Variants in B3GALT1 observed in about 807,000 individuals in gnomAD.
B3GALT1 encodes the protein UDP-Gal:betaGlcNAc beta 1,3-galactosyltransferase, polypeptide 1.
A neutral mutation model predicts 23.2 loss-of-function variants in B3GALT1; 10 were observed. The observed-to-expected ratio is 0.43, with a 90% CI of 0.27 to 0.73. The LOEUF (loss-of-function observed/expected upper bound fraction) is 0.73. Among genes scored for constraint, B3GALT1 ranks in the 30% least tolerant of loss-of-function variants. B3GALT1 has a pLI of 0.21. For synonymous variants in B3GALT1, 156 were observed against 141.5 expected, an observed-to-expected ratio of 1.10 and a Z score of -0.73; for missense variants, 299 against 405.4, an observed-to-expected ratio of 0.74 and a Z score of 2.25.
chr2:167,526,186 A>AACACAC (rs143744265), intron 2 of B3GALT1, among the ~76,000 whole-genome samples: 1,903 of 150,330 alleles, frequency 0.013, 20 homozygotes, highest in South Asian at 0.058. Context: ...AGAGTTAGGT[A>AACACAC]ACACACACAC....
chr2:167,618,488 A>T (rs1685200247), intron 2 of B3GALT1, among the ~76,000 whole-genome samples: 1 of 151,992 alleles, frequency 6.6e-6, no homozygotes, highest in Non-Finnish European at 1.5e-5. Context: ...CCAAAAACAG[A>T]GACATTTTCT....
At chr2:167,347,716 A>G (rs1490440355) in intron 1 of B3GALT1, among the ~76,000 whole-genome samples, 1 of 152,032 alleles carries the variant, frequency 6.6e-6, no homozygotes, top group Non-Finnish European at 1.5e-5. Context: ...AGAATCTGCA[A>G]TTCTATCATT....
At chr2:167,499,068 A>T (rs1158652785) in intron 2 of B3GALT1, among the ~76,000 whole-genome samples, 1 of 152,104 alleles carries the variant, frequency 6.6e-6, no homozygotes, top group Non-Finnish European at 1.5e-5. Flanking sequence ...CTTCCATTTT[A>T]TATTAAAAGA....
intron 2 of B3GALT1, among the ~76,000 whole-genome samples, chr2:167,500,670 G>A (rs1699837661): frequency 6.6e-6 from 1 of 152,054 alleles, no homozygotes; most frequent in African/African-American, 2.4e-5. Flanking sequence ...TCATTATTAA[G>A]GCAGGAGTGT....
intron 3 of B3GALT1, among the ~76,000 whole-genome samples, chr2:167,814,096 A>G (rs1688943679): frequency 6.6e-6 from 1 of 152,226 alleles, no homozygotes; most frequent in South Asian, 2.1e-4. Flanking sequence ...AGGCATAGCA[A>G]TACATTTAAA....
At chr2:167,587,821 C>T (rs1334712158) in intron 2 of B3GALT1, among the ~76,000 whole-genome samples, 1 of 152,164 alleles carries the variant, frequency 6.6e-6, no homozygotes, top group East Asian at 1.9e-4. Context: ...TCTAGTAATT[C>T]AATGTATTTA....
At chr2:167,806,002 C>A (rs188845698) in intron 3 of B3GALT1, among the ~76,000 whole-genome samples, 56 of 144,156 alleles carry the variant, frequency 3.9e-4, no homozygotes, top group East Asian at 1.4e-3. Context: ...CTTTTATTTC[C>A]TCGAGCAGTG....
At chr2:167,649,456 T>G (rs1685821203) in intron 3 of B3GALT1, among the ~76,000 whole-genome samples, 1 of 152,086 alleles carries the variant, frequency 6.6e-6, no homozygotes, top group Admixed American at 6.6e-5. Flanking sequence ...AATAGTCTCT[T>G]TACATTTCTC....
intron 1 of B3GALT1, among the ~76,000 whole-genome samples, chr2:167,412,964 A>C (rs748564196): frequency 6.6e-6 from 1 of 152,154 alleles, no homozygotes; most frequent in Non-Finnish European, 1.5e-5. Context: ...GACATTATAC[A>C]CAAGAATACA....
chr2:167,622,537 G>A lies in B3GALT1; in HGVS notation c.-409-24372G>A, dbSNP rs753637425. Among the ~76,000 whole-genome samples the A allele has an allele frequency of 5.9e-5, 9 of 152,200 alleles. No individual in the cohort carries two copies. In the Middle Eastern group the frequency reaches 0.014, roughly 230 times the overall value. On this transcript the variant is annotated intron_variant, in intron 2 of 4. Coordinates refer to ENST00000392690, the MANE Select transcript of B3GALT1 (RefSeq NM_020981.4). ...TTGTATCTGCAGCTTATTGCTTTCA[G>A]CATTTAAGACATTTTGGGTTGAGTC... is the stretch of plus-strand genomic sequence containing the variant.
intron 2 of B3GALT1, among the ~76,000 whole-genome samples, chr2:167,520,368 A>G (rs186435325): frequency 1.3e-5 from 2 of 152,274 alleles, no homozygotes; most frequent in African/African-American, 2.4e-5. Flanking sequence ...GGACTGTAAT[A>G]TGGATGCCTA....
intron 1 of B3GALT1, among the ~76,000 whole-genome samples, chr2:167,365,859 T>A (rs1259845876): frequency 6.6e-6 from 1 of 152,134 alleles, no homozygotes; most frequent in African/African-American, 2.4e-5. Context: ...CTCTAACAAG[T>A]ACTTATACAA....
intron 4 of B3GALT1, among the ~76,000 whole-genome samples, chr2:167,867,401 T>C (rs1325696738): frequency 6.6e-6 from 1 of 152,126 alleles, no homozygotes; most frequent in Non-Finnish European, 1.5e-5. Context: ...GTACTTATTA[T>C]GGGTTGGATG....
chr2:167,725,407 G>A (rs1386909634), intron 3 of B3GALT1, among the ~76,000 whole-genome samples: 7 of 152,236 alleles, frequency 4.6e-5, no homozygotes, highest in Admixed American at 2.0e-4. Flanking sequence ...GACTTTGGCA[G>A]TTCATTTTCC....
chr2:167,475,082 C>T (rs865787970), intron 1 of B3GALT1, among the ~76,000 whole-genome samples: 7 of 152,156 alleles, frequency 4.6e-5, no homozygotes, highest in South Asian at 4.1e-4. Context: ...ATTTTGCTTT[C>T]TGCAATTTCA....
chr2:167,540,016 A>G (rs16853735), intron 2 of B3GALT1, among the ~76,000 whole-genome samples: 1,592 of 152,306 alleles, frequency 0.01, 27 homozygotes, highest in African/African-American at 0.036. Flanking sequence ...GGTAGAATCT[A>G]TTAAAATGAA....
intron 2 of B3GALT1, among the ~76,000 whole-genome samples, chr2:167,507,504 CAAAAAAA>C (rs60408245): frequency 0.074 from 1,960 of 26,506 alleles, 44 homozygotes; most frequent in African/African-American, 0.16. Context: ...GACTCCGTCT[CAAAAAAA>C]AAAAAAAAAA....
intron 2 of B3GALT1, among the ~76,000 whole-genome samples, chr2:167,592,476 A>C (rs565270483): frequency 6.6e-6 from 1 of 152,304 alleles, no homozygotes; most frequent in East Asian, 1.9e-4. Flanking sequence ...ATTGAGTATG[A>C]AATAGCAGAC....
intron 2 of B3GALT1, among the ~76,000 whole-genome samples, chr2:167,533,356 A>G (rs1182452275): frequency 6.6e-6 from 1 of 151,960 alleles, no homozygotes; most frequent in Non-Finnish European, 1.5e-5. Flanking sequence ...TTTAATTATA[A>G]GTGAGTATCG....
Sources: allele counts gnomAD v4.1 joint callset (sites outside exome capture counted in the v4.1 genomes callset), GRCh38; gene constraint gnomAD v4.1.1; transcripts MANE v1.5; gene names NCBI Gene and HGNC (gene_info 2026-07-23, HGNC 2026-07-21).